FRMD5: variants seen among roughly 807,000 people sequenced by gnomAD.
The protein encoded by FRMD5 is FERM domain containing 5.
FRMD5 carries 20 observed loss-of-function variants against 69.0 expected under a neutral mutation model. The ratio of observed to expected loss-of-function variants is 0.29; its 90% CI spans 0.20 to 0.42. FRMD5 has a LOEUF of 0.42. FRMD5 is among the 10% of genes least tolerant of loss of function. The pLI is 1.00. For synonymous variants in FRMD5, 271 were observed against 260.1 expected (o/e 1.04, Z -0.40); for missense variants, 595 against 708.6 (o/e 0.84, Z 1.82).
intron 1 of FRMD5, among the ~76,000 whole-genome samples, chr15:44,087,659 T>C (rs1894256531): frequency 6.6e-6 from 1 of 152,138 alleles, no homozygotes; most frequent in Non-Finnish European, 1.5e-5. Context: ...GAGATATACA[T>C]ACACATATTT....
chr15:44,147,883 G>C (rs2077380518), intron 1 of FRMD5, among the ~76,000 whole-genome samples: 2 of 152,176 alleles, frequency 1.3e-5, no homozygotes, highest in South Asian at 4.1e-4. Context: ...TCCTGGAGCT[G>C]CTTGCACATA....
chr15:44,020,493 A>T (rs1467503343), intron 1 of FRMD5, among the ~76,000 whole-genome samples: 3 of 152,188 alleles, frequency 2.0e-5, no homozygotes, highest in Non-Finnish European at 4.4e-5. Flanking sequence ...GTGTTTGTAA[A>T]TTTTTAAAAA....
intron 1 of FRMD5, among the ~76,000 whole-genome samples, chr15:43,997,331 CA>C: frequency 6.6e-6 from 1 of 152,172 alleles, no homozygotes. Context: ...AATCCACACC[CA>C]AAGATTCTAC....
At chr15:43,941,369 CCTCTTGAGTAGCTAG>C (rs1023261646) in intron 1 of FRMD5, among the ~76,000 whole-genome samples, 2 of 152,166 alleles carry the variant, frequency 1.3e-5, no homozygotes, top group Non-Finnish European at 2.9e-5. Context: ...TGCCACCCAG[CCTCTTGAGTAGCTAG>C]CACTACAGGT....
intron 1 of FRMD5, among the ~76,000 whole-genome samples, chr15:44,112,504 T>C (rs975183905): frequency 6.6e-5 from 10 of 151,810 alleles, no homozygotes; most frequent in African/African-American, 2.4e-4. Context: ...TCTCGCTCTG[T>C]TGCCCAGGCT....
In FRMD5 at chr15:43,881,133, C is replaced by T. The variant is rs769735446; in HGVS notation, c.1135+2570G>A. Among the ~76,000 whole-genome samples the T allele has an allele frequency of 3.9e-5, 6 of 152,320 alleles. No individual in the cohort carries two copies. In the South Asian group the frequency reaches 6.2e-4, roughly 16 times the overall value. ...CTGGGAAGTAGGCATGCACAAGGCT[C>T]CTCTCCTGTTTTACATCCTGCATGG... On this transcript the variant is annotated intron_variant, in intron 13 of 13. Transcript: ENST00000417257.
At chr15:43,894,352 A>G (rs2088865009) in intron 7 of FRMD5, among the ~76,000 whole-genome samples, 3 of 152,024 alleles carry the variant, frequency 2.0e-5, no homozygotes, top group Non-Finnish European at 4.4e-5. Context: ...CTTAGAAAGA[A>G]AGAGACTGGG....
chr15:43,904,129 G>A (rs2089114869), intron 6 of FRMD5, among the ~76,000 whole-genome samples: 1 of 152,166 alleles, frequency 6.6e-6, no homozygotes, highest in African/African-American at 2.4e-5. Flanking sequence ...TGGGCAGAGG[G>A]GTCTGTTTAC....
At chr15:44,104,889 C>T (rs947498949) in intron 1 of FRMD5, among the ~76,000 whole-genome samples, 1 of 152,048 alleles carries the variant, frequency 6.6e-6, no homozygotes, top group Non-Finnish European at 1.5e-5. Flanking sequence ...TTTCGAGGCT[C>T]ATCCATGTAG....
At position 44,162,307 on chromosome 15, in the gene FRMD5, G is replaced by A. The variant is rs2077629759; in HGVS notation, c.102+32646C>T. On this transcript the variant is annotated intron_variant, in intron 1 of 13. Transcript: ENST00000417257. ...AAGACAGATCAGGTCTCACTATTTT[G>A]CCCAGGCTGGTCTCAAACTCCTAAG... Among the ~76,000 whole-genome samples, 4 of 135,350 alleles carry A rather than the reference G, an allele frequency of 3.0e-5. No homozygotes were observed. The South Asian group carries it at 9.4e-4, about 32-fold the overall frequency. The allele number at this position is 135,350 out of a possible 152,430, so 88.8% of individuals were successfully genotyped here.
intron 1 of FRMD5, among the ~76,000 whole-genome samples, chr15:43,959,141 C>T (rs980856365): frequency 5.3e-5 from 8 of 152,242 alleles, no homozygotes; most frequent in Admixed American, 5.2e-4. Flanking sequence ...CCTTGGACCT[C>T]ATAGCTCACT....
intron 1 of FRMD5, among the ~76,000 whole-genome samples, chr15:44,074,923 A>G (rs1457291568): frequency 8.5e-5 from 13 of 152,274 alleles, no homozygotes; most frequent in East Asian, 5.8e-4. Context: ...TCTAGTACTA[A>G]TAACCTAAGC....
intron 1 of FRMD5, among the ~76,000 whole-genome samples, chr15:43,926,612 G>A (rs1199695283): frequency 6.6e-6 from 1 of 152,028 alleles, no homozygotes; most frequent in Non-Finnish European, 1.5e-5. Context: ...TGATCTCGCG[G>A]CAGTTATGTT....
At chr15:43,888,551 GA>G (rs1043399684) in intron 9 of FRMD5, among the ~76,000 whole-genome samples, 1 of 152,168 alleles carries the variant, frequency 6.6e-6, no homozygotes, top group African/African-American at 2.4e-5. Flanking sequence ...ATACACGAAA[GA>G]AAAAGAGCCT....
At chr15:44,195,445 A>G (rs974927281), upstream of FRMD5, among the ~76,000 whole-genome samples, 1 of 152,218 alleles carries the variant, frequency 6.6e-6, no homozygotes, top group African/African-American at 2.4e-5. Context: ...AGTCGGACCT[A>G]GTCAAGCCGG....
chr15:44,101,731 C>T (rs2076643659), intron 1 of FRMD5, among the ~76,000 whole-genome samples: 1 of 152,178 alleles, frequency 6.6e-6, no homozygotes, highest in African/African-American at 2.4e-5. Flanking sequence ...ACTCTTAGTT[C>T]TTTCTAAATC....
intron 1 of FRMD5, 29 bp downstream of exon 1, chr15:44,194,923 GC>G: frequency 6.7e-7 from 1 of 1,502,244 alleles, no homozygotes. Context: ...AGGGGGTCCC[GC>G]GGGCGGGGCG....
intron 1 of FRMD5, among the ~76,000 whole-genome samples, chr15:44,030,500 A>T (rs1204796850): frequency 6.6e-6 from 1 of 152,214 alleles, no homozygotes. Flanking sequence ...TGGATGAATA[A>T]AGCGAACAGG....
chr15:43,994,651 C>T (rs1265575724), intron 1 of FRMD5, among the ~76,000 whole-genome samples: 3 of 152,250 alleles, frequency 2.0e-5, no homozygotes, highest in Admixed American at 1.3e-4. Context: ...AGGCTGGTCT[C>T]GAACTCCTGA....
Sources: allele counts gnomAD v4.1 joint callset (sites outside exome capture counted in the v4.1 genomes callset), GRCh38; gene constraint gnomAD v4.1.1; transcripts MANE v1.5; gene names NCBI Gene and HGNC (gene_info 2026-07-23, HGNC 2026-07-21).